Variants in MYO5A observed in about 807,000 individuals in gnomAD.
The protein encoded by MYO5A is unconventional myosin-Va.
In MYO5A, 98 loss-of-function variants were observed where a neutral mutation model predicts 249.7. The ratio of observed to expected loss-of-function variants is 0.39; its 90% CI spans 0.33 to 0.46. MYO5A has a LOEUF of 0.46. Ranked by LOEUF, MYO5A falls within the 20% of genes least tolerant of loss-of-function variation. MYO5A has a pLI of 0.98. For missense variants in MYO5A, 1,696 were observed against 2,308.8 expected, an observed-to-expected ratio of 0.73 and a Z score of 5.44; for synonymous variants, 778 against 810.6, an observed-to-expected ratio of 0.96 and a Z score of 0.68.
chr15:52,370,122 C>G, intron 22 of MYO5A, 47 bp downstream of exon 22: 1 of 1,611,732 alleles, frequency 6.2e-7, no homozygotes, highest in South Asian at 1.1e-5. Context: ...ATGACAGCAC[C>G]TCTCTTTTGT....
At chr15:52,379,787 T>A in intron 17 of MYO5A, 35 bp downstream of exon 17, 1 of 1,613,934 alleles carries the variant, frequency 6.2e-7, no homozygotes, top group Non-Finnish European at 8.5e-7. Context: ...CTTCTCCCAT[T>A]AGGATCCCTT....
chr15:52,473,361 A>C (rs201447387), intron 1 of MYO5A, among the ~76,000 whole-genome samples: 2 of 152,192 alleles, frequency 1.3e-5, no homozygotes, highest in African/African-American at 4.8e-5. Context: ...TCACTCTGAT[A>C]GTAGTTTCTT....
chr15:52,433,993 C>CT (rs1208199574), intron 1 of MYO5A, among the ~76,000 whole-genome samples: 1 of 139,962 alleles, frequency 7.1e-6, no homozygotes, highest in Non-Finnish European at 1.6e-5. Flanking sequence ...TTTGTTCTTT[C>CT]TTTTTCTTTT....
chr15:52,459,344 A>G (rs932107326), intron 1 of MYO5A, among the ~76,000 whole-genome samples: 5 of 151,636 alleles, frequency 3.3e-5, no homozygotes, highest in Non-Finnish European at 7.4e-5. Flanking sequence ...GTCCCTGGGT[A>G]GTTGAGATTA....
At chr15:52,391,824 G>A (rs551650582) in intron 12 of MYO5A, 106 bp downstream of exon 12, 9 of 1,198,766 alleles carry the variant, frequency 7.5e-6, no homozygotes, top group African/African-American at 3.0e-5. Context: ...TTGTCACCAC[G>A]ACGGCATTCC....
intron 40 of MYO5A, among the ~76,000 whole-genome samples, chr15:52,314,846 T>A (rs561105282): frequency 5.9e-5 from 9 of 152,182 alleles, no homozygotes; most frequent in Non-Finnish European, 1.2e-4. Flanking sequence ...CTATATAAGG[T>A]AGATATTTCC....
chr15:52,456,070 G>A (rs916999498), intron 1 of MYO5A, among the ~76,000 whole-genome samples: 5 of 151,944 alleles, frequency 3.3e-5, no homozygotes, highest in African/African-American at 1.2e-4. Flanking sequence ...CCCTAAAAAC[G>A]CCACCAAATA....
intron 1 of MYO5A, among the ~76,000 whole-genome samples, chr15:52,450,023 G>T (rs536201688): frequency 6.6e-6 from 1 of 152,158 alleles, no homozygotes; most frequent in Admixed American, 6.5e-5. Context: ...TTGAATTCAG[G>T]CTCAGGCTTT....
chr15:52,420,632 C>T (rs1484394138), intron 4 of MYO5A, among the ~76,000 whole-genome samples: 1 of 152,096 alleles, frequency 6.6e-6, no homozygotes, highest in Non-Finnish European at 1.5e-5. Flanking sequence ...GACTAAGATA[C>T]TCATATAATG....
In MYO5A at chr15:52,528,824, T is replaced by C; in HGVS notation, c.-18A>G. ...GCAGCCATGGCGGGCCCCGCGCGCC[T>C]ACGCCCCCCGCCTGTGCGGAGGCCG... On this transcript the variant is annotated 5_prime_UTR_variant, in exon 1 of 42. Transcript: ENST00000399233. 6.7e-7 allele frequency: 1 copy of C among 1,484,970 alleles called. No homozygotes were observed. 92.0% of individuals were successfully genotyped at this position (1,484,970 alleles called of 1,614,324 possible).
intron 9 of MYO5A, among the ~76,000 whole-genome samples, chr15:52,400,950 GTT>G (rs2042725470): frequency 6.6e-6 from 1 of 151,658 alleles, no homozygotes; most frequent in Non-Finnish European, 1.5e-5. Flanking sequence ...TAACTTCTTA[GTT>G]CATTTCTTCT....
intron 1 of MYO5A, among the ~76,000 whole-genome samples, chr15:52,445,420 T>G (rs533660006): frequency 2.6e-5 from 4 of 152,154 alleles, no homozygotes; most frequent in African/African-American, 9.7e-5. Flanking sequence ...CCTTTTCTTA[T>G]AACTTACCCA....
intron 1 of MYO5A, among the ~76,000 whole-genome samples, chr15:52,527,459 GAA>G (rs2077749040): frequency 6.6e-6 from 1 of 152,188 alleles, no homozygotes; most frequent in African/African-American, 2.4e-5. Flanking sequence ...AAACTAGAAA[GAA>G]AGAGGTCTCA....
intron 18 of MYO5A, 46 bp downstream of exon 18, chr15:52,379,579 C>T (rs1162330358): frequency 6.4e-7 from 1 of 1,556,742 alleles, no homozygotes; most frequent in African/African-American, 1.4e-5. Flanking sequence ...AAGGTCAGAA[C>T]CACAAGGCCT....
chr15:52,476,339 T>A (rs1381150264), intron 1 of MYO5A, among the ~76,000 whole-genome samples: 2 of 151,546 alleles, frequency 1.3e-5, no homozygotes, highest in Non-Finnish European at 2.9e-5. Flanking sequence ...GTCTTGACTC[T>A]TTATCAAATT....
At chr15:52,487,128 G>A (rs1167206276) in intron 1 of MYO5A, among the ~76,000 whole-genome samples, 2 of 152,162 alleles carry the variant, frequency 1.3e-5, no homozygotes, top group Non-Finnish European at 2.9e-5. Flanking sequence ...GCTAAAATGG[G>A]TACTAGGGCC....
chr15:52,385,653 A>G (rs566814074), intron 14 of MYO5A, among the ~76,000 whole-genome samples: 1 of 152,274 alleles, frequency 6.6e-6, no homozygotes, highest in South Asian at 2.1e-4. Context: ...ATACACAAAC[A>G]TACTCCACAC....
intron 1 of MYO5A, among the ~76,000 whole-genome samples, chr15:52,456,121 G>C (rs987317223): frequency 5.3e-5 from 8 of 151,796 alleles, no homozygotes; most frequent in African/African-American, 1.7e-4. Flanking sequence ...AAAATTGCAG[G>C]ATACAAAATC....
chr15:52,437,285 TATATAA>T (rs1452459103), intron 1 of MYO5A, among the ~76,000 whole-genome samples: 35 of 152,298 alleles, frequency 2.3e-4, no homozygotes, highest in African/African-American at 8.2e-4. Context: ...CCAGAAAAGA[TATATAA>T]ATATAAAGAG....
Sources: allele counts gnomAD v4.1 joint callset (sites outside exome capture counted in the v4.1 genomes callset), GRCh38; gene constraint gnomAD v4.1.1; transcripts MANE v1.5; gene names NCBI Gene and HGNC (gene_info 2026-07-23, HGNC 2026-07-21).